The following PACS1 variants were observed in gnomAD, a reference collection of about 807,000 sequenced individuals.
The protein encoded by PACS1 is PACS-1.
Under a neutral mutation model 115.0 loss-of-function variants are expected in PACS1, and 24 were observed. That is an observed-to-expected ratio of 0.21 (90% CI 0.15 to 0.29). The LOEUF (loss-of-function observed/expected upper bound fraction) is 0.29. Among genes scored for constraint, PACS1 ranks in the 10% least tolerant of loss-of-function variants. The pLI, the probability that PACS1 is intolerant of heterozygous loss-of-function variation, is 1.00. For missense variants in PACS1, 838 were observed against 1,251.2 expected (o/e 0.67, Z 4.98); for synonymous variants, 453 against 504.5 (o/e 0.90, Z 1.37).
chr11:66,202,742 A>AAAAAAAAT (rs1200930188), intron 2 of PACS1, among the ~76,000 whole-genome samples: 22 of 71,596 alleles, frequency 3.1e-4, no homozygotes, highest in African/African-American at 1.6e-3. Flanking sequence ...AAAAAAAAAA[A>AAAAAAAAT]ATATATATAT....
At chr11:66,200,616 A>G (rs762703422) in intron 2 of PACS1, among the ~76,000 whole-genome samples, 2 of 152,202 alleles carry the variant, frequency 1.3e-5, no homozygotes, top group African/African-American at 2.4e-5. Flanking sequence ...TTGTAAATAT[A>G]TATGCACCTA....
At chr11:66,214,598 C>T in intron 4 of PACS1, among the ~76,000 whole-genome samples, 1 of 123,040 alleles carries the variant, frequency 8.1e-6, no homozygotes, top group Non-Finnish European at 1.7e-5. Context: ...CCCATTCTTT[C>T]TTCCTTTCTT....
chr11:66,076,244 T>C (rs1857395481), intron 1 of PACS1, among the ~76,000 whole-genome samples: 1 of 152,236 alleles, frequency 6.6e-6, no homozygotes, highest in Admixed American at 6.5e-5. Context: ...TTAGCGGTTA[T>C]GTGATTTCTT....
chr11:66,161,752 AT>A (rs960645084), intron 1 of PACS1, among the ~76,000 whole-genome samples: 3 of 151,724 alleles, frequency 2.0e-5, no homozygotes, highest in African/African-American at 4.8e-5. Flanking sequence ...AATTGGCTAC[AT>A]TTTTTTTTCC....
chr11:66,116,778 T>C (rs2134553783), intron 1 of PACS1, among the ~76,000 whole-genome samples: 1 of 152,068 alleles, frequency 6.6e-6, no homozygotes, highest in Non-Finnish European at 1.5e-5. Context: ...TGGTCCCAGC[T>C]ACTCATAAGA....
chr11:66,160,721 A>G (rs1045530890), intron 1 of PACS1, among the ~76,000 whole-genome samples: 8 of 134,028 alleles, frequency 6.0e-5, no homozygotes, highest in East Asian at 2.2e-4. Flanking sequence ...ACGTCTCACT[A>G]TGTTTCCCAG....
At chr11:66,188,009 A>C (rs1166157700) in intron 1 of PACS1, among the ~76,000 whole-genome samples, 1 of 152,088 alleles carries the variant, frequency 6.6e-6, no homozygotes, top group Non-Finnish European at 1.5e-5. Flanking sequence ...AGCCAGCCCA[A>C]CTGGGGAATA....
intron 1 of PACS1, among the ~76,000 whole-genome samples, chr11:66,086,726 G>A (rs955727938): frequency 2.7e-5 from 4 of 150,888 alleles, no homozygotes; most frequent in African/African-American, 7.3e-5. Flanking sequence ...AGTGATTCTC[G>A]TGCCTCAGCC....
At chr11:66,129,901 C>G (rs1858664711) in intron 1 of PACS1, among the ~76,000 whole-genome samples, 1 of 151,996 alleles carries the variant, frequency 6.6e-6, no homozygotes, top group South Asian at 2.1e-4. Context: ...GGACATCTAC[C>G]CATTTATGAT....
chr11:66,198,866 CATA>C (rs1854707636), intron 2 of PACS1, among the ~76,000 whole-genome samples: 1 of 152,056 alleles, frequency 6.6e-6, no homozygotes, highest in East Asian at 1.9e-4. Context: ...TATGTAAACA[CATA>C]ATAGGTTTAT....
At chr11:66,183,067 C>T (rs763483318) in intron 1 of PACS1, among the ~76,000 whole-genome samples, 2 of 152,058 alleles carry the variant, frequency 1.3e-5, no homozygotes, top group African/African-American at 2.4e-5. Context: ...GAGATGGAGG[C>T]CGCAGTGAGC....
chr11:66,195,487 G>C (rs113099215), intron 2 of PACS1, among the ~76,000 whole-genome samples: 1 of 152,176 alleles, frequency 6.6e-6, no homozygotes. Context: ...TTGCTGTCCT[G>C]TGCCGACACC....
At chr11:66,218,133 C>T (rs1855256694) in intron 7 of PACS1, 1 of 152,232 alleles carries the variant, frequency 6.6e-6, no homozygotes. Flanking sequence ...CTTCTGTGAA[C>T]ATGTCTCATG....
At chr11:66,103,331 G>A (rs1857963548) in intron 1 of PACS1, among the ~76,000 whole-genome samples, 2 of 152,084 alleles carry the variant, frequency 1.3e-5, no homozygotes, top group African/African-American at 4.8e-5. Context: ...AAGGATGTGG[G>A]TGGCTCAGGC....
intron 2 of PACS1, among the ~76,000 whole-genome samples, chr11:66,204,793 A>G (rs1432333324): frequency 1.3e-5 from 2 of 152,122 alleles, no homozygotes; most frequent in Non-Finnish European, 2.9e-5. Context: ...ACAGGCTCAT[A>G]TGGGCAGTCG....
rs1321701644 is a variant in PACS1, at chr11:66,193,526, G to A, written c.397G>A (p.Glu133Lys). The A allele has an allele frequency of 6.2e-6, 10 of 1,613,950 alleles. No individual in the cohort carries two copies. Among genetic ancestry groups the A allele is most frequent in the Non-Finnish European group, 8.5e-6 (10 of 1,179,858 alleles). ...CCTGAAGAAACTCGTCATGCTAAAAGAAATGGACAAAGATCTTAACTCAGT... is the reference window on the plus strand; with the variant it reads ...CCTGAAGAAACTCGTCATGCTAAAAAAAATGGACAAAGATCTTAACTCAGT... ...LTLKKLVMLKEMDKDLNSVVI... is the reference protein window; with the variant it reads ...LTLKKLVMLKKMDKDLNSVVI... The change falls in exon 2 of 24, where the codon GAA becomes AAA. Residue 133 changes from glutamate to lysine, a missense_variant. Physicochemically the swap from Glu to Lys is moderately conservative, Grantham distance 56. Coordinates refer to ENST00000320580, the MANE Select transcript of PACS1 (RefSeq NM_018026.4).
chr11:66,070,602 AGCAGCCGCC>A lies in PACS1; in HGVS notation c.122_130del (p.Pro41_Gln43del). On this transcript the variant is annotated inframe_deletion, in exon 1 of 24. Transcript: ENST00000320580. The surrounding 1 kb of genome is among the most constrained non-coding windows in gnomAD (Gnocchi z 5.9). The stretch of plus-strand genomic sequence containing the variant: ...CAGCCGCCGCCGCAGCAGCAGCAGC[AGCAGCCGCC>A]GCAGCAGCCGACGCCCCCCAAGCTG... 6.6e-7 allele frequency: 1 copy of A among 1,519,638 alleles called. No individual in the cohort carries two copies. The highest frequency in any genetic ancestry group is 8.8e-7 in the Non-Finnish European group (1 of 1,142,158). 94.1% of individuals were successfully genotyped at this position (1,519,638 alleles called of 1,614,324 possible).
In PACS1 at chr11:66,151,713, A is replaced by T. The variant is rs117956404; in HGVS notation, c.357-41773A>T. On this transcript the variant is annotated intron_variant, in intron 1 of 23. Transcript: ENST00000320580. ...TCTACAATTACTAGACATGTAAATAAAATGGAAAGTCTAACTCATACTCAG... is the reference window on the plus strand; with the variant it reads ...TCTACAATTACTAGACATGTAAATATAATGGAAAGTCTAACTCATACTCAG... Among the ~76,000 whole-genome samples, 41 of 152,372 alleles carry T rather than the reference A, an allele frequency of 2.7e-4. No individual in the cohort carries two copies. The East Asian group carries it at 7.1e-3, about 26-fold the overall frequency.
intron 4 of PACS1, among the ~76,000 whole-genome samples, chr11:66,215,335 G>A (rs1398637015): frequency 6.7e-6 from 1 of 150,344 alleles, no homozygotes; most frequent in African/African-American, 2.4e-5. Flanking sequence ...AAATGCAGTG[G>A]CTCACGCCTG....
Sources: gnomAD v4.1 joint callset for allele counts (sites outside exome capture counted in the v4.1 genomes callset) on GRCh38, gnomAD v4.1.1 for gene constraint, Gnocchi (gnomAD v3.1) non-coding constraint, MANE v1.5 for transcripts, NCBI Gene and HGNC (gene_info 2026-07-23, HGNC 2026-07-21) for gene names.